The following ZFY variants were observed in gnomAD, a reference collection of about 807,000 sequenced individuals.
ZFY encodes zinc finger protein Y-linked, also known as zinc finger Y-chromosomal protein.
For missense variants in ZFY, 113 were observed against 170.9 expected (o/e 0.66, Z 1.89); for synonymous variants, 47 against 55.8 (o/e 0.84, Z 0.71).
intron 1 of ZFY, among the ~76,000 whole-genome samples, chrY:2,942,926 T>A (rs2051249550): frequency 3.0e-5 from 1 of 33,804 alleles, no homozygotes; most frequent in African/African-American, 1.2e-4. Flanking sequence ...TTTGGATAAC[T>A]ATACCAAGAT....
chrY:2,948,073 A>C, intron 1 of ZFY, among the ~76,000 whole-genome samples: 2 of 33,792 alleles, frequency 5.9e-5, no homozygotes, highest in Admixed American at 5.4e-4. Context: ...TTGTGAAACA[A>C]CTGAAACTAG....
chrY:2,955,624 A>G, intron 2 of ZFY, among the ~76,000 whole-genome samples: 7 of 34,115 alleles, frequency 2.1e-4, no homozygotes, highest in Admixed American at 1.8e-3. Context: ...TTGCAGCTGA[A>G]TAGTTTTATT....
At chrY:2,954,843 T>C (rs2051288525) in intron 2 of ZFY, among the ~76,000 whole-genome samples, 1 of 32,999 alleles carries the variant, frequency 3.0e-5, no homozygotes, top group African/African-American at 1.2e-4. Context: ...GAGATACTGT[T>C]GTTCCCTACA....
At chrY:2,965,611 A>G in intron 3 of ZFY, among the ~76,000 whole-genome samples, 1 of 33,753 alleles carries the variant, frequency 3.0e-5, no homozygotes, top group Non-Finnish European at 7.3e-5. Context: ...ACTAAAGCTT[A>G]AAAGGAAAGA....
At chrY:2,963,557 G>A (rs763396545) in intron 3 of ZFY, among the ~76,000 whole-genome samples, 1 of 33,503 alleles carries the variant, frequency 3.0e-5, no homozygotes, top group African/African-American at 1.2e-4. Flanking sequence ...ATAGCTGAAC[G>A]TTTGTGCATA....
intron 5 of ZFY, among the ~76,000 whole-genome samples, chrY:2,975,991 T>C: frequency 3.0e-5 from 1 of 33,175 alleles, no homozygotes; most frequent in Non-Finnish European, 7.4e-5. Flanking sequence ...GCTTCATCCA[T>C]GTCCCTGCAA....
chrY:2,961,667 A>C, intron 3 of ZFY, 21 bp downstream of exon 3: 2 of 375,670 alleles, frequency 5.3e-6, no homozygotes, highest in Non-Finnish European at 7.6e-6. Flanking sequence ...GGGTACAGTG[A>C]TTTTAAGCAA....
intron 1 of ZFY, among the ~76,000 whole-genome samples, chrY:2,953,362 G>T: frequency 3.2e-5 from 1 of 31,555 alleles, no homozygotes; most frequent in Non-Finnish European, 7.6e-5. Flanking sequence ...AATCATGGGG[G>T]TTACTGATAG....
intron 1 of ZFY, among the ~76,000 whole-genome samples, chrY:2,941,408 A>G (rs753880728): frequency 6.1e-5 from 2 of 33,046 alleles, no homozygotes. Flanking sequence ...TGCATTGTCA[A>G]CTTTACTGGA....
chrY:2,935,618 C>G lies in ZFY; in HGVS notation c.-180C>G. On this transcript the variant is annotated 5_prime_UTR_variant, in exon 1 of 8. Transcript: ENST00000155093. ...GTTAGGCCTAGTGATTATCCAGTTG[C>G]CCTGAGCGGCTGCGGAGGTGCGCTC... The G allele has an allele frequency of 2.7e-5, 1 of 36,747 alleles. No individual in the cohort carries two copies. Among genetic ancestry groups the G allele is most frequent in the East Asian group, 7.1e-4 (1 of 1,406 alleles). 9.2% of individuals were successfully genotyped at this position (36,747 alleles called of 400,897 possible).
intron 1 of ZFY, among the ~76,000 whole-genome samples, chrY:2,949,787 C>T: frequency 1.1e-4 from 3 of 27,131 alleles, no homozygotes; most frequent in Admixed American, 3.5e-4. Flanking sequence ...GAGGTCGAGG[C>T]GGTAGTGAGT....
In ZFY at chrY:2,935,617, G is replaced by A; in HGVS notation, c.-181G>A. On this transcript the variant is annotated 5_prime_UTR_variant, in exon 1 of 8. Transcript: ENST00000155093. ...AGTTAGGCCTAGTGATTATCCAGTT[G>A]CCCTGAGCGGCTGCGGAGGTGCGCT... 2 of 35,674 alleles carry A rather than the reference G, an allele frequency of 5.6e-5. No homozygotes were observed. Among genetic ancestry groups the A allele is most frequent in the Non-Finnish European group, 1.4e-4 (2 of 14,151 alleles). 8.9% of individuals were successfully genotyped at this position (35,674 alleles called of 400,897 possible).
intron 1 of ZFY, among the ~76,000 whole-genome samples, chrY:2,940,613 T>G (rs755157326): frequency 5.9e-5 from 2 of 33,671 alleles, no homozygotes; most frequent in South Asian, 6.5e-4. Flanking sequence ...CAATCCTGCT[T>G]CTTTTTCCCC....
intron 2 of ZFY, among the ~76,000 whole-genome samples, chrY:2,958,650 A>G: frequency 3.0e-5 from 1 of 33,582 alleles, no homozygotes; most frequent in African/African-American, 1.2e-4. Context: ...GCAAAAAGAA[A>G]ATTATACCTA....
At chrY:2,973,466 A>T in intron 3 of ZFY, among the ~76,000 whole-genome samples, 1 of 33,220 alleles carries the variant, frequency 3.0e-5, no homozygotes, top group Non-Finnish European at 7.4e-5. Flanking sequence ...ATAATGAAAT[A>T]TATTCAGCAG....
rs763710100 is a variant in ZFY, at chrY:2,954,539, T to A, written c.61+542T>A. On this transcript the variant is annotated intron_variant, in intron 2 of 7. Coordinates refer to ENST00000155093, the MANE Select transcript of ZFY (RefSeq NM_003411.4). ...AAACCTGTGTCTACAGAAAAAAAAA[T>A]TTTTTTTTAATTAGCTGAGCATGGT... 1.0e-3 allele frequency among the ~76,000 whole-genome samples: 30 copies of A among 29,134 alleles called. No individual in the cohort carries two copies. In the South Asian group the frequency reaches 0.019, roughly 19 times the overall value. The allele number at this position is 29,134 out of a possible 37,273, so 78.2% of individuals were successfully genotyped here. A position where few individuals can be genotyped will look rare whatever the true frequency, so the allele number is the denominator to read the frequency against.
At chrY:2,942,671 C>T (rs2051248954) in intron 1 of ZFY, among the ~76,000 whole-genome samples, 1 of 31,016 alleles carries the variant, frequency 3.2e-5, no homozygotes, top group Admixed American at 3.1e-4. Flanking sequence ...GGTGATCCTC[C>T]TGTCTCAGCC....
At chrY:2,959,743 T>C in intron 2 of ZFY, among the ~76,000 whole-genome samples, 1 of 33,411 alleles carries the variant, frequency 3.0e-5, no homozygotes, top group Non-Finnish European at 7.4e-5. Flanking sequence ...AGAAGCTGTG[T>C]GTTTATTTGA....
chrY:2,945,725 C>T, intron 1 of ZFY, among the ~76,000 whole-genome samples: 1 of 33,487 alleles, frequency 3.0e-5, no homozygotes, highest in Admixed American at 2.7e-4. Context: ...ATCCTCCCAC[C>T]TTAGCGTCCC....
Sources: gnomAD v4.1 joint callset for allele counts (sites outside exome capture counted in the v4.1 genomes callset) on GRCh38, gnomAD v4.1.1 for gene constraint, MANE v1.5 for transcripts, NCBI Gene and HGNC (gene_info 2026-07-23, HGNC 2026-07-21) for gene names.